Variants in MEF2A observed in about 807,000 individuals in gnomAD.
MEF2A encodes myocyte-specific enhancer factor 2A.
MEF2A carries 28 observed loss-of-function variants against 55.8 expected under a neutral mutation model. That is an observed-to-expected ratio of 0.50 (90% confidence interval 0.37 to 0.69). The LOEUF is 0.69. Ranked by LOEUF, MEF2A falls within the 30% of genes least tolerant of loss-of-function variation. The pLI is 0.00. For missense variants in MEF2A, 528 were observed against 626.2 expected (o/e 0.84, Z 1.67); for synonymous variants, 239 against 227.1 (o/e 1.05, Z -0.47).
intron 7 of MEF2A, among the ~76,000 whole-genome samples, chr15:99,684,296 T>C (rs1323059596): frequency 6.6e-6 from 1 of 152,254 alleles, no homozygotes; most frequent in Non-Finnish European, 1.5e-5. Flanking sequence ...TGTACTGTTT[T>C]CTTTAGTGGT....
At chr15:99,589,211 T>G (rs1354210017) in intron 1 of MEF2A, among the ~76,000 whole-genome samples, 1 of 152,248 alleles carries the variant, frequency 6.6e-6, no homozygotes, top group Non-Finnish European at 1.5e-5. Flanking sequence ...GTGGAAAGCT[T>G]TTAAATTACG....
At chr15:99,701,820 A>G (rs928716463) in intron 8 of MEF2A, among the ~76,000 whole-genome samples, 2 of 152,246 alleles carry the variant, frequency 1.3e-5, no homozygotes, top group Admixed American at 6.5e-5. Flanking sequence ...TGGATATGCA[A>G]TACTTGCTAC....
rs1329855960 is a variant in MEF2A at position 99,714,589 on chromosome 15, G to A, written c.*1818G>A. ...ACCCTCAGCTTGGATTTTGAACAAG[G>A]CCTTATTCTTTCAGGAAGACAACTA... On this transcript the variant is annotated 3_prime_UTR_variant, in exon 12 of 12. Transcript: ENST00000557942. The A allele has an allele frequency of 6.6e-6, 1 of 152,006 alleles. No individual in the cohort carries two copies. The highest frequency in any genetic ancestry group is 6.6e-5 in the Admixed American group (1 of 15,236). 9.4% of individuals were successfully genotyped at this position (152,006 alleles called of 1,614,324 possible). A position where few individuals can be genotyped will look rare whatever the true frequency, so the allele number is the denominator to read the frequency against.
chr15:99,685,426 G>A (rs1323074024), intron 7 of MEF2A, among the ~76,000 whole-genome samples: 3 of 150,564 alleles, frequency 2.0e-5, no homozygotes, highest in South Asian at 4.2e-4. Context: ...GGTTAGTTAT[G>A]TTCCTAAGTA....
rs1011879558 is a variant in MEF2A, at chr15:99,714,148, A to G, written c.*1377A>G. On this transcript the variant is annotated 3_prime_UTR_variant, in exon 12 of 12. Coordinates refer to ENST00000557942, the MANE Select transcript of MEF2A (RefSeq NM_001319206.4). ...CTGTATGGGTTGAGCATCATTATAT[A>G]TTTTGTATGTGTACATAAATAGCAA... 1 of 152,170 alleles carries G rather than the reference A, an allele frequency of 6.6e-6. No individual in the cohort carries two copies. The highest frequency in any genetic ancestry group is 2.4e-5 in the African/African-American group (1 of 41,450). The allele number at this position is 152,170 out of a possible 1,614,324, so 9.4% of individuals were successfully genotyped here. A position where few individuals can be genotyped will look rare whatever the true frequency, so the allele number is the denominator to read the frequency against.
chr15:99,581,165 T>C (rs904421581), intron 1 of MEF2A, among the ~76,000 whole-genome samples: 4 of 152,190 alleles, frequency 2.6e-5, no homozygotes, highest in Non-Finnish European at 4.4e-5. Context: ...AAGTAGTCTG[T>C]CAGTATTTTC....
At chr15:99,645,005 G>T (rs893934468) in intron 3 of MEF2A, among the ~76,000 whole-genome samples, 1 of 151,946 alleles carries the variant, frequency 6.6e-6, no homozygotes, top group African/African-American at 2.4e-5. Flanking sequence ...TTTTTGGGGG[G>T]GTCTCTGTTA....
At position 99,702,422 on chromosome 15, in the gene MEF2A, A is replaced by G. The variant is rs143292330; in HGVS notation, c.859-940A>G. Among the ~76,000 whole-genome samples the G allele has an allele frequency of 9.4e-4, 140 of 148,552 alleles. 4 individuals are homozygous for G. In the East Asian group the frequency reaches 0.017, roughly 18 times the overall value. Reference sequence around the variant, plus strand: ...AAATGTTATGGAGAAAAGGAGCAAAAATGTTTCTTTTTTTTTTTTTTTTTG... The same window carrying G: ...AAATGTTATGGAGAAAAGGAGCAAAGATGTTTCTTTTTTTTTTTTTTTTTG... On this transcript the variant is annotated intron_variant, in intron 8 of 11. Transcript: ENST00000557942.
intron 2 of MEF2A, among the ~76,000 whole-genome samples, chr15:99,624,577 A>C (rs2041770741): frequency 6.6e-6 from 1 of 152,170 alleles, no homozygotes; most frequent in African/African-American, 2.4e-5. Flanking sequence ...TGATTACTGT[A>C]GCATTATAGT....
At chr15:99,707,737 GTTA>G (rs1328297733) in intron 10 of MEF2A, among the ~76,000 whole-genome samples, 1 of 152,188 alleles carries the variant, frequency 6.6e-6, no homozygotes, top group Non-Finnish European at 1.5e-5. Flanking sequence ...ATGCAGAGAA[GTTA>G]TTATGATTCT....
At chr15:99,606,498 A>G (rs1975172743) in intron 2 of MEF2A, among the ~76,000 whole-genome samples, 2 of 152,206 alleles carry the variant, frequency 1.3e-5, no homozygotes, top group African/African-American at 2.4e-5. Context: ...GACAAAAGAC[A>G]TGTATCAGAA....
At position 99,703,379 on chromosome 15, in the gene MEF2A, G is replaced by C. The variant is rs1280625694; in HGVS notation, c.876G>C (p.Leu292Phe). ...GAGTACAGTCGGAGGAAGAGGAATT[G>C]GAGTTGGTGAGTGTGGGTTTCTGCT... ...MMPPLSEEEE[L>F]ELNTQRISSS... Residue 292 changes from leucine (L) to phenylalanine (F), a missense_variant, in exon 9 of 12, where the codon TTG (leucine) becomes TTC (phenylalanine). Physicochemically the swap from Leu to Phe is conservative, Grantham distance 22. This residue lies in a region of MEF2A where 450 missense variants were observed against 475.3 expected (regional missense o/e 0.95). Transcript: ENST00000557942. The C allele has an allele frequency of 3.7e-6, 6 of 1,609,914 alleles. No individual in the cohort carries two copies. Among genetic ancestry groups the C allele is most frequent in the Non-Finnish European group, 5.1e-6 (6 of 1,178,010 alleles).
rs780077974 is a variant in MEF2A at position 99,690,302 on chromosome 15, C to T, written c.732C>T (p.Ser244=). 1.2e-6 allele frequency: 2 copies of T among 1,613,728 alleles called. No individual in the cohort carries two copies. Among genetic ancestry groups the T allele is most frequent in the East Asian group, 2.2e-5 (1 of 44,882 alleles). The part of the protein sequence containing the change: ...PNLIGATGAN[S]LGKVMPTKSP... ...TGATTGGAGCTACTGGTGCAAATAGCTTAGGCAAAGTCATGCCTACAAAGT... is the reference window on the plus strand; with the variant it reads ...TGATTGGAGCTACTGGTGCAAATAGTTTAGGCAAAGTCATGCCTACAAAGT... The change falls in exon 8 of 12, where the codon AGC becomes AGT. Residue 244 remains serine, a synonymous_variant. Coordinates refer to ENST00000557942, the MANE Select transcript of MEF2A (RefSeq NM_001319206.4).
intron 1 of MEF2A, among the ~76,000 whole-genome samples, chr15:99,587,347 G>T (rs1967686249): frequency 6.6e-6 from 1 of 152,032 alleles, no homozygotes; most frequent in South Asian, 2.1e-4. Flanking sequence ...TGAGAATGAT[G>T]GTTTCCAGCT....
intron 7 of MEF2A, among the ~76,000 whole-genome samples, chr15:99,689,235 AAC>A (rs950171320): frequency 2.6e-5 from 4 of 152,246 alleles, no homozygotes; most frequent in Non-Finnish European, 5.9e-5. Context: ...AAGCTGAAGA[AAC>A]AGACTCAGTA....
chr15:99,568,690 G>T (rs1386590449), intron 1 of MEF2A, among the ~76,000 whole-genome samples: 3 of 152,140 alleles, frequency 2.0e-5, no homozygotes, highest in Non-Finnish European at 4.4e-5. Flanking sequence ...TGTCAGTTTG[G>T]AAAACCATCT....
chr15:99,613,489 C>T (rs1421254064), intron 2 of MEF2A, among the ~76,000 whole-genome samples: 1 of 152,172 alleles, frequency 6.6e-6, no homozygotes, highest in East Asian at 1.9e-4. Flanking sequence ...TGTGGGTAAT[C>T]TAGCAATTGT....
chr15:99,642,425 T>C (rs1288407932), intron 3 of MEF2A, among the ~76,000 whole-genome samples: 1 of 152,176 alleles, frequency 6.6e-6, no homozygotes, highest in Non-Finnish European at 1.5e-5. Context: ...TTTTTTGGTA[T>C]CTTCATTATC....
At position 99,639,553 on chromosome 15, in the gene MEF2A, C is replaced by T. The variant is rs78377083; in HGVS notation, c.55-6008C>T. Reference sequence around the variant, plus strand: ...TTGCAGTATACATCTGTTGACCTGTCTCATTATACATGGGTAAAAGTTGCT... The same window carrying T: ...TTGCAGTATACATCTGTTGACCTGTTTCATTATACATGGGTAAAAGTTGCT... On this transcript the variant is annotated intron_variant, in intron 3 of 11. Transcript: ENST00000557942. Among the ~76,000 whole-genome samples, 552 of 152,256 alleles carry T rather than the reference C, an allele frequency of 3.6e-3. 3 individuals are homozygous for T. Among genetic ancestry groups the T allele is most frequent in the African/African-American group, 0.013 (533 of 41,536 alleles).
Sources: allele counts gnomAD v4.1 joint callset (sites outside exome capture counted in the v4.1 genomes callset), GRCh38; gene constraint gnomAD v4.1.1; regional missense constraint gnomAD v4.1.1; transcripts MANE v1.5; gene names NCBI Gene and HGNC (gene_info 2026-07-23, HGNC 2026-07-21).